LEMD3: variants seen among roughly 807,000 people sequenced by gnomAD.
LEMD3 encodes the protein inner nuclear membrane protein Man1.
Under a neutral mutation model 95.2 loss-of-function variants are expected in LEMD3, and 33 were observed. That is an observed-to-expected ratio of 0.35 (90% confidence interval 0.26 to 0.46). The LOEUF (loss-of-function observed/expected upper bound fraction) is 0.46. LEMD3 is among the 20% of genes least tolerant of loss of function. LEMD3 has a pLI of 1.00. For missense variants in LEMD3, 1,210 were observed against 1,192.8 expected, an observed-to-expected ratio of 1.01 and a Z score of -0.21; for synonymous variants, 525 against 474.6, an observed-to-expected ratio of 1.11 and a Z score of -1.38.
At chr12:65,244,636 C>T (rs1177272623) in intron 10 of LEMD3, among the ~76,000 whole-genome samples, 1 of 152,182 alleles carries the variant, frequency 6.6e-6, no homozygotes, top group East Asian at 1.9e-4. Context: ...GAATTTGAAC[C>T]TATCATTACA....
intron 1 of LEMD3, among the ~76,000 whole-genome samples, chr12:65,188,759 G>A (rs1869145061): frequency 6.6e-6 from 1 of 152,122 alleles, no homozygotes; most frequent in Admixed American, 6.6e-5. Flanking sequence ...GAATACAAAA[G>A]TCATGATGTC....
At chr12:65,241,115 A>C in intron 9 of LEMD3, 28 bp downstream of exon 9, 1 of 1,590,986 alleles carries the variant, frequency 6.3e-7, no homozygotes, top group Non-Finnish European at 8.6e-7. Flanking sequence ...TCAAAAAAGT[A>C]ATTTTCTTCT....
chr12:65,218,606 C>T lies in LEMD3; in HGVS notation c.1682C>T (p.Ala561Val), dbSNP rs780415646. 2.5e-6 allele frequency: 4 copies of T among 1,600,184 alleles called. No individual in the cohort carries two copies. The highest frequency in any genetic ancestry group is 3.4e-6 in the Non-Finnish European group (4 of 1,171,068). Residue 561 changes from alanine (A) to valine (V), a missense_variant, in exon 4 of 13, where the codon GCT (alanine) becomes GTT (valine). Transcript: ENST00000308330. The stretch of plus-strand genomic sequence containing the variant: ...AGAACGCTTTCTGTTCAAGAGGCAG[C>T]TGCGTATTTAAAAGTAAGCAATGAA... ...SQRTLSVQEA[A>V]AYLKDLGPEY...
At chr12:65,202,659 C>G (rs1383809691) in intron 1 of LEMD3, among the ~76,000 whole-genome samples, 2 of 152,092 alleles carry the variant, frequency 1.3e-5, no homozygotes, top group African/African-American at 4.8e-5. Flanking sequence ...TTCTTTAAAT[C>G]TTTGGAAGAA....
intron 1 of LEMD3, among the ~76,000 whole-genome samples, chr12:65,180,046 G>A (rs530458534): frequency 6.6e-6 from 1 of 152,144 alleles, no homozygotes; most frequent in African/African-American, 2.4e-5. Context: ...CTAGGTTCAA[G>A]TGATTTTCCT....
intron 1 of LEMD3, among the ~76,000 whole-genome samples, chr12:65,204,174 A>AT (rs879289495): frequency 3.2e-3 from 435 of 134,928 alleles, no homozygotes; most frequent in South Asian, 0.011. Flanking sequence ...TTTTTTTTTC[A>AT]TTTTTTTTTT....
chr12:65,217,324 T>A (rs1414195982), intron 3 of LEMD3, among the ~76,000 whole-genome samples: 1 of 152,100 alleles, frequency 6.6e-6, no homozygotes, highest in East Asian at 1.9e-4. Context: ...AAAACCAGAG[T>A]AGGCCAGATT....
chr12:65,176,546 G>A (rs1261788955), intron 1 of LEMD3, among the ~76,000 whole-genome samples: 4 of 152,158 alleles, frequency 2.6e-5, no homozygotes, highest in Non-Finnish European at 5.9e-5. Context: ...TTAGGACAAA[G>A]TATTATATTT....
chr12:65,217,051 C>G (rs773977862), intron 3 of LEMD3, among the ~76,000 whole-genome samples: 10 of 152,158 alleles, frequency 6.6e-5, no homozygotes, highest in Non-Finnish European at 1.2e-4. Context: ...CTACAGCTAT[C>G]TCTGTAGCAT....
chr12:65,239,939 G>T lies in LEMD3; in HGVS notation c.1932G>T (p.Met644Ile). 6.2e-7 allele frequency: 1 copy of T among 1,606,684 alleles called. No homozygotes were observed. The change falls in exon 7 of 13, where the codon ATG becomes ATT. Residue 644 changes from methionine (M) to isoleucine (I), a missense_variant. Around this residue, in one of 2 missense-constraint regions of LEMD3, gnomAD observed 461 missense variants for 569.8 expected, o/e 0.81. Coordinates refer to ENST00000308330, the MANE Select transcript of LEMD3 (RefSeq NM_014319.5). ...RLLLLCLGVVMVCVVLRYMKY... is the reference protein window; with the variant it reads ...RLLLLCLGVVIVCVVLRYMKY... ...ATATTAATATTACAGGTGTAGTGAT[G>T]GTTTGTGTCGTTCTGCGTTACATGA...
chr12:65,233,001 C>T (rs1286624166), intron 4 of LEMD3, among the ~76,000 whole-genome samples: 1 of 152,004 alleles, frequency 6.6e-6, no homozygotes, highest in Non-Finnish European at 1.5e-5. Context: ...AATGAGTGTT[C>T]TGAGAAGTGG....
At chr12:65,187,114 A>G (rs541764354) in intron 1 of LEMD3, among the ~76,000 whole-genome samples, 2 of 152,202 alleles carry the variant, frequency 1.3e-5, no homozygotes, top group South Asian at 4.2e-4. Flanking sequence ...CTTAAAATCA[A>G]TGGTTTTGCC....
At chr12:65,216,702 T>G (rs1011118261) in intron 3 of LEMD3, among the ~76,000 whole-genome samples, 10 of 151,414 alleles carry the variant, frequency 6.6e-5, no homozygotes, top group Admixed American at 6.6e-4. Context: ...AAAAGAAAAA[T>G]GCAGTTTTCA....
intron 1 of LEMD3, among the ~76,000 whole-genome samples, chr12:65,176,479 G>C (rs1357462612): frequency 6.6e-6 from 1 of 152,098 alleles, no homozygotes; most frequent in Non-Finnish European, 1.5e-5. Context: ...TTTTACCCTA[G>C]AGTTTGGCCC....
At chr12:65,235,948 AC>A (rs1404105464) in intron 4 of LEMD3, among the ~76,000 whole-genome samples, 1 of 152,206 alleles carries the variant, frequency 6.6e-6, no homozygotes, top group African/African-American at 2.4e-5. Flanking sequence ...GCTTAAAAAA[AC>A]AGATGGCCTA....
intron 4 of LEMD3, 53 bp downstream of exon 4, chr12:65,218,672 T>G: frequency 1.0e-6 from 1 of 982,480 alleles, no homozygotes; most frequent in South Asian, 1.4e-5. Flanking sequence ...ATTATATAAA[T>G]CATTGCTACT....
chr12:65,190,943 GA>G (rs572662322), intron 1 of LEMD3, among the ~76,000 whole-genome samples: 6 of 151,954 alleles, frequency 3.9e-5, no homozygotes, highest in Non-Finnish European at 5.9e-5. Context: ...TAAGAGAAAA[GA>G]AAAAAGTTTC....
At chr12:65,189,146 T>G (rs1247412070) in intron 1 of LEMD3, among the ~76,000 whole-genome samples, 2 of 152,202 alleles carry the variant, frequency 1.3e-5, no homozygotes, top group African/African-American at 4.8e-5. Flanking sequence ...ATAAAAGTTA[T>G]GCGAATATGG....
At chr12:65,227,401 CAGA>C in intron 4 of LEMD3, among the ~76,000 whole-genome samples, 1 of 152,072 alleles carries the variant, frequency 6.6e-6, no homozygotes, top group East Asian at 1.9e-4. Context: ...CATTGCTTTT[CAGA>C]AGAATGCTGA....
Sources: gnomAD v4.1 joint callset for allele counts (sites outside exome capture counted in the v4.1 genomes callset) on GRCh38, gnomAD v4.1.1 for gene constraint, gnomAD v4.1.1 regional missense constraint, MANE v1.5 for transcripts, NCBI Gene and HGNC (gene_info 2026-07-23, HGNC 2026-07-21) for gene names.